PCDHGA1: variants seen among roughly 807,000 people sequenced by gnomAD.
The protein encoded by PCDHGA1 is protocadherin gamma subfamily A, 1.
PCDHGA1 carries 32 observed loss-of-function variants against 58.0 expected under a neutral mutation model. The observed-to-expected ratio is 0.55, with a 90% CI of 0.42 to 0.74. PCDHGA1 has a LOEUF of 0.74. PCDHGA1 is among the 30% of genes least tolerant of loss of function. The pLI is 0.00. For missense variants in PCDHGA1, 1,205 were observed against 1,182.3 expected, an observed-to-expected ratio of 1.02 and a Z score of -0.28; for synonymous variants, 498 against 501.1, an observed-to-expected ratio of 0.99 and a Z score of 0.08.
chr5:141,349,127 G>C (rs557742918), intron 1 of PCDHGA1, among the ~76,000 whole-genome samples: 1 of 152,292 alleles, frequency 6.6e-6, no homozygotes, highest in South Asian at 2.1e-4. Flanking sequence ...ATGGACTTCA[G>C]TGGCATGATC....
intron 3 of PCDHGA1, among the ~76,000 whole-genome samples, chr5:141,510,329 A>G (rs1433056614): frequency 6.7e-6 from 1 of 150,230 alleles, no homozygotes; most frequent in South Asian, 2.1e-4. Context: ...AGCACTCTTC[A>G]CCCCCACCCC....
intron 1 of PCDHGA1, chr5:141,415,164 G>A: frequency 1.9e-6 from 3 of 1,613,838 alleles, no homozygotes; most frequent in African/African-American, 2.7e-5. Flanking sequence ...CCACTGTCAC[G>A]CTCACCGTGG....
intron 1 of PCDHGA1, chr5:141,405,408 TTTTTTTG>T (rs2094659443): frequency 2.5e-6 from 4 of 1,572,390 alleles, no homozygotes; most frequent in African/African-American, 1.4e-5. Flanking sequence ...CTTTCTTTTC[TTTTTTTG>T]TTTTTTGTTT....
chr5:141,476,309 A>G lies in PCDHGA1; in HGVS notation c.2422-18498A>G. ...GGATCTCGGTAGCCTCTCAGCCCGC[A>G]GGTTCCGGGTGGTGTCTGGAGCTAG... On this transcript the variant is annotated intron_variant, in intron 1 of 3. Transcript: ENST00000517417. The surrounding 1 kb of genome is among the most constrained non-coding windows in gnomAD (Gnocchi z 7.6). The G allele has an allele frequency of 6.2e-7, 1 of 1,613,966 alleles. No homozygotes were observed. Among genetic ancestry groups the G allele is most frequent in the Non-Finnish European group, 8.5e-7 (1 of 1,179,988 alleles).
At chr5:141,392,641 C>CGAA in intron 1 of PCDHGA1, 1 of 655,502 alleles carries the variant, frequency 1.5e-6, no homozygotes, top group Non-Finnish European at 2.5e-6. Flanking sequence ...TCACACCTCA[C>CGAA]GAAGACCCGC....
At chr5:141,405,450 T>G in intron 1 of PCDHGA1, 7 of 1,286,684 alleles carry the variant, frequency 5.4e-6, no homozygotes, top group South Asian at 1.4e-5. Flanking sequence ...GACAGAGTCT[T>G]ACTCTGTTAC....
chr5:141,438,615 TATATATATATATATATATATAC>T (rs1275224820), intron 1 of PCDHGA1, among the ~76,000 whole-genome samples: 95 of 35,914 alleles, frequency 2.6e-3, no homozygotes, highest in East Asian at 8.4e-3. Flanking sequence ...TATATATATA[TATATATATATATATATATATAC>T]ACACACACAC....
At chr5:141,438,053 C>T (rs1023159995) in intron 1 of PCDHGA1, among the ~76,000 whole-genome samples, 2 of 152,112 alleles carry the variant, frequency 1.3e-5, no homozygotes, top group African/African-American at 4.8e-5. Context: ...TTTGAGTTCA[C>T]TTTTAAGAAA....
intron 1 of PCDHGA1, among the ~76,000 whole-genome samples, chr5:141,379,889 CTTTTTTTTTTTT>C (rs70988800): frequency 3.0e-4 from 15 of 50,832 alleles, no homozygotes; most frequent in South Asian, 9.2e-4. Flanking sequence ...GTGAAAGCCT[CTTTTTTTTTTTT>C]TTTTTTTTTT....
rs566838507 is a variant in PCDHGA1, at chr5:141,415,047, G to T, written c.2422-79760G>T. ...GCGAGCCGGGACTCTTCGCGGTGGG[G>T]GAGCACACGGGCGAGGTGCGCACGG... On this transcript the variant is annotated intron_variant, in intron 1 of 3. Transcript: ENST00000517417. The T allele has an allele frequency of 4.2e-5, 67 of 1,613,220 alleles. 1 individual carries two copies. The Admixed American group carries it at 6.0e-4, about 14-fold the overall frequency.
Position 141,351,853 on chromosome 5 carries a change from G to C in PCDHGA1, c.2421+18748G>C, listed in dbSNP as rs563575027. ...CCTTCGAGCTCACACTGCAGGCCAG[G>C]GACCAGGGCTCCCCCGCGCTCAGCG... On this transcript the variant is annotated intron_variant, in intron 1 of 3. Transcript: ENST00000517417. 682 of 1,613,028 alleles carry C rather than the reference G, an allele frequency of 4.2e-4. 6 individuals are homozygous for C. The Middle Eastern group carries it at 7.5e-3, about 18-fold the overall frequency.
At chr5:141,349,693 T>C (rs1405570694) in intron 1 of PCDHGA1, among the ~76,000 whole-genome samples, 3 of 152,108 alleles carry the variant, frequency 2.0e-5, no homozygotes, top group African/African-American at 7.2e-5. Flanking sequence ...GAAAGGTAGG[T>C]ATTTTAGTCA....
chr5:141,355,311 G>C, intron 1 of PCDHGA1: 2 of 1,613,982 alleles, frequency 1.2e-6, no homozygotes. Flanking sequence ...CGGTGTTTGA[G>C]GAGCAGGAAG....
At chr5:141,445,538 G>A (rs1188324168) in intron 1 of PCDHGA1, among the ~76,000 whole-genome samples, 1 of 152,168 alleles carries the variant, frequency 6.6e-6, no homozygotes, top group African/African-American at 2.4e-5. Flanking sequence ...AGCCAACAAG[G>A]AGAAATACAA....
chr5:141,428,387 G>A, intron 1 of PCDHGA1: 1 of 505,948 alleles, frequency 2.0e-6, no homozygotes, highest in South Asian at 2.0e-5. Context: ...TGCTCTTCCA[G>A]CCCCTCTGCC....
chr5:141,343,934 A>G (rs1757342674), intron 1 of PCDHGA1: 3 of 1,126,444 alleles, frequency 2.7e-6, no homozygotes, highest in Non-Finnish European at 3.8e-6. Context: ...TGACCTGTGA[A>G]TTAGGCCCGT....
Position 141,491,650 on chromosome 5 carries a change from G to C in PCDHGA1, c.2422-3157G>C, listed in dbSNP as rs1283977913. On this transcript the variant is annotated intron_variant, in intron 1 of 3. Coordinates refer to ENST00000517417, the MANE Select transcript of PCDHGA1 (RefSeq NM_018912.3). The surrounding 1 kb of genome is among the most constrained non-coding windows in gnomAD (Gnocchi z 6.9). ...TCAGCAGCCCACAGCTCTGGCGCTG[G>C]AGCCTGACGCCATCCGGTCCCGCTC... The C allele has an allele frequency of 6.2e-7, 1 of 1,613,876 alleles. No individual in the cohort carries two copies. The highest frequency in any genetic ancestry group is 1.7e-5 in the Admixed American group (1 of 60,034).
chr5:141,393,427 A>G (rs2092758301), intron 1 of PCDHGA1: 2 of 1,613,922 alleles, frequency 1.2e-6, no homozygotes, highest in Admixed American at 3.3e-5. Flanking sequence ...AGGGAGGAAG[A>G]GGCTGCTCAC....
rs530139788 is a variant in PCDHGA1, at chr5:141,509,165, C to A, written c.2570-1782C>A. On this transcript the variant is annotated intron_variant, in intron 3 of 3. Coordinates refer to ENST00000517417, the MANE Select transcript of PCDHGA1 (RefSeq NM_018912.3). ...TCCCGGCTCTCCCCTCCCGTGTGCC[C>A]TCCTCCTCTTATGCCGGCTTGAAAA... Among the ~76,000 whole-genome samples the A allele has an allele frequency of 1.4e-4, 21 of 152,332 alleles. No individual in the cohort carries two copies. In the South Asian group the frequency reaches 4.1e-3, roughly 30 times the overall value.
Sources: gnomAD v4.1 joint callset for allele counts (sites outside exome capture counted in the v4.1 genomes callset) on GRCh38, gnomAD v4.1.1 for gene constraint, Gnocchi (gnomAD v3.1) non-coding constraint, MANE v1.5 for transcripts, NCBI Gene and HGNC (gene_info 2026-07-23, HGNC 2026-07-21) for gene names.